Variants in MYOM2 observed in about 807,000 individuals in gnomAD.
MYOM2 encodes the protein myomesin 2.
MYOM2 carries 254 observed loss-of-function variants against 187.6 expected under a neutral mutation model. The observed-to-expected ratio is 1.35, with a 90% confidence interval of 1.22 to 1.50. The LOEUF is 1.50. MYOM2 is among the 40% of genes most tolerant of loss of function. The pLI is 0.00. For synonymous variants in MYOM2, 981 were observed against 753.8 expected, an observed-to-expected ratio of 1.30 and a Z score of -4.94; for missense variants, 2,796 against 1,924.0, an observed-to-expected ratio of 1.45 and a Z score of -8.48.
At chr8:2,110,063 C>T (rs1797017939) in intron 25 of MYOM2, among the ~76,000 whole-genome samples, 1 of 152,178 alleles carries the variant, frequency 6.6e-6, no homozygotes, top group Non-Finnish European at 1.5e-5. Context: ...CGGCTCTCAC[C>T]TGTAATCTCC....
chr8:2,084,094 G>A (rs1345180663), intron 13 of MYOM2, among the ~76,000 whole-genome samples: 2 of 152,232 alleles, frequency 1.3e-5, no homozygotes, highest in Non-Finnish European at 2.9e-5. Context: ...TTCGGCAAGT[G>A]TTACAGAAAG....
At chr8:2,118,214 A>G (rs1797311720) in intron 28 of MYOM2, among the ~76,000 whole-genome samples, 2 of 152,160 alleles carry the variant, frequency 1.3e-5, no homozygotes, top group Admixed American at 1.3e-4. Flanking sequence ...AATTTTACTT[A>G]AACGATTATT....
chr8:2,087,472 G>A (rs560844005), intron 14 of MYOM2, among the ~76,000 whole-genome samples: 1 of 152,266 alleles, frequency 6.6e-6, no homozygotes, highest in East Asian at 1.9e-4. Flanking sequence ...AATTCTGGGT[G>A]ACAAAATATA....
At chr8:2,045,543 G>A (rs1216025507) in intron 1 of MYOM2, among the ~76,000 whole-genome samples, 1 of 152,238 alleles carries the variant, frequency 6.6e-6, no homozygotes, top group Admixed American at 6.5e-5. Flanking sequence ...CTCCCCCGAG[G>A]AGAGGGCTGA....
chr8:2,068,721 G>A (rs544625666), intron 6 of MYOM2, among the ~76,000 whole-genome samples: 76 of 152,350 alleles, frequency 5.0e-4, no homozygotes, highest in African/African-American at 1.8e-3. Context: ...TGCCCCATGG[G>A]AACGACTCCC....
intron 21 of MYOM2, among the ~76,000 whole-genome samples, chr8:2,103,196 T>C (rs577361929): frequency 3.9e-5 from 6 of 152,214 alleles, no homozygotes; most frequent in African/African-American, 1.4e-4. Flanking sequence ...GGTGTGTGGA[T>C]AAATGAGTGG....
intron 1 of MYOM2, among the ~76,000 whole-genome samples, chr8:2,048,200 C>T (rs1349504709): frequency 6.6e-6 from 1 of 152,204 alleles, no homozygotes; most frequent in African/African-American, 2.4e-5. Context: ...GGGGATTGCT[C>T]ATGCGTCTGC....
intron 34 of MYOM2, among the ~76,000 whole-genome samples, chr8:2,141,444 A>G (rs1195300228): frequency 2.6e-5 from 4 of 152,242 alleles, no homozygotes; most frequent in African/African-American, 7.2e-5. Context: ...AGAAAGAGAA[A>G]AGAAACACGC....
intron 6 of MYOM2, among the ~76,000 whole-genome samples, chr8:2,061,063 T>A (rs541929043): frequency 9.2e-5 from 14 of 152,186 alleles, no homozygotes; most frequent in Admixed American, 8.5e-4. Context: ...GAGGAGCCCA[T>A]CTGCTATCGA....
In MYOM2 at chr8:2,048,761, A is replaced by T. The variant is rs564862299; in HGVS notation, c.-12-1994A>T. 3.4e-5 allele frequency among the ~76,000 whole-genome samples: 5 copies of T among 148,208 alleles called. No individual in the cohort carries two copies. In the South Asian group the frequency reaches 1.1e-3, roughly 32 times the overall value. On this transcript the variant is annotated intron_variant, in intron 1 of 36. Transcript: ENST00000262113. ...GGGTGGAGGAGATATGCTTTTATTT[A>T]TTTATTTATTTATTTTATTTTTTAT...
intron 3 of MYOM2, 149 bp from the exon 4 acceptor site, chr8:2,057,199 A>G (rs1328065200): frequency 9.4e-6 from 8 of 850,522 alleles, no homozygotes; most frequent in Admixed American, 6.7e-5. Flanking sequence ...ATAGATTCAA[A>G]TGAGCAGAAG....
chr8:2,137,083 A>G (rs1798102967), intron 32 of MYOM2, among the ~76,000 whole-genome samples: 1 of 151,378 alleles, frequency 6.6e-6, no homozygotes, highest in African/African-American at 2.4e-5. Context: ...ACACACACAC[A>G]TATACACACA....
chr8:2,052,631 C>A (rs1818530974), intron 3 of MYOM2, among the ~76,000 whole-genome samples: 2 of 152,234 alleles, frequency 1.3e-5, no homozygotes, highest in Admixed American at 1.3e-4. Context: ...GGGCTTAGAG[C>A]TCCAGGGTCC....
intron 4 of MYOM2, 59 bp from the exon 5 acceptor site, chr8:2,057,564 C>A (rs952142797): frequency 1.2e-5 from 19 of 1,612,712 alleles, no homozygotes; most frequent in Non-Finnish European, 1.5e-5. Flanking sequence ...GCTTGAGGGG[C>A]CGAGGGTGGA....
chr8:2,120,675 T>TACA (rs1220891042), intron 28 of MYOM2, among the ~76,000 whole-genome samples: 3 of 41,432 alleles, frequency 7.2e-5, no homozygotes, highest in African/African-American at 2.0e-4. Context: ...TATATATATA[T>TACA]TATATTATAT....
chr8:2,132,676 T>C (rs1448089781), intron 32 of MYOM2, among the ~76,000 whole-genome samples: 1 of 152,142 alleles, frequency 6.6e-6, no homozygotes, highest in African/African-American at 2.4e-5. Flanking sequence ...AGCCCTGATC[T>C]CCTGGGATCA....
At chr8:2,127,119 G>A (rs925693126) in intron 31 of MYOM2, among the ~76,000 whole-genome samples, 2 of 151,928 alleles carry the variant, frequency 1.3e-5, no homozygotes, top group African/African-American at 4.8e-5. Flanking sequence ...GTCAGTGTCA[G>A]GGAATTTGAG....
intron 28 of MYOM2, among the ~76,000 whole-genome samples, chr8:2,120,486 C>T (rs1455453547): frequency 6.0e-5 from 9 of 150,042 alleles, no homozygotes; most frequent in Non-Finnish European, 5.9e-5. Flanking sequence ...CGGGAGTGGA[C>T]CCGGGCAAGG....
chr8:2,102,519 C>T (rs963882426), intron 20 of MYOM2, 148 bp from the exon 21 acceptor site: 3 of 555,238 alleles, frequency 5.4e-6, no homozygotes, highest in Non-Finnish European at 9.7e-6. Context: ...TCTCCTCTTC[C>T]CTCCTTTTCT....
Sources: gnomAD v4.1 joint callset for allele counts (sites outside exome capture counted in the v4.1 genomes callset) on GRCh38, gnomAD v4.1.1 for gene constraint, MANE v1.5 for transcripts, NCBI Gene and HGNC (gene_info 2026-07-23, HGNC 2026-07-21) for gene names.